The following FAM20A variants were observed in gnomAD, a reference collection of about 807,000 sequenced individuals.
The protein encoded by FAM20A is FAM20A golgi associated secretory pathway pseudokinase.
Under a neutral mutation model 52.0 loss-of-function variants are expected in FAM20A, and 42 were observed. The observed-to-expected ratio is 0.81, with a 90% CI of 0.63 to 1.04. FAM20A has a LOEUF of 1.04. FAM20A is among the 50% of genes least tolerant of loss of function. The pLI is 0.00. For synonymous variants in FAM20A, 304 were observed against 298.9 expected, an observed-to-expected ratio of 1.02 and a Z score of -0.18; for missense variants, 742 against 712.7, an observed-to-expected ratio of 1.04 and a Z score of -0.47.
At chr17:68,599,723 G>A (rs991671244) in intron 1 of FAM20A, among the ~76,000 whole-genome samples, 4 of 152,204 alleles carry the variant, frequency 2.6e-5, no homozygotes, top group Non-Finnish European at 1.5e-5. Context: ...TGTGATCTCT[G>A]AAACTGGGCA....
chr17:68,573,338 T>C (rs928437073), intron 1 of FAM20A, among the ~76,000 whole-genome samples: 7 of 152,272 alleles, frequency 4.6e-5, no homozygotes, highest in Non-Finnish European at 8.8e-5. Flanking sequence ...TTAAAGTTTA[T>C]GTTTCTTAGC....
chr17:68,600,913 C>T lies in FAM20A; in HGVS notation c.-247G>A. 1 of 480,500 alleles carries T rather than the reference C, an allele frequency of 2.1e-6. No homozygotes were observed. The highest frequency in any genetic ancestry group is 3.6e-6 in the Non-Finnish European group (1 of 276,470). The allele number at this position is 480,500 out of a possible 1,614,324, so 29.8% of individuals were successfully genotyped here. A position where few individuals can be genotyped will look rare whatever the true frequency, so the allele number is the denominator to read the frequency against. On this transcript the variant is annotated 5_prime_UTR_variant, in exon 1 of 11. Coordinates refer to ENST00000592554, the MANE Select transcript of FAM20A (RefSeq NM_017565.4). This position sits in a 1 kb window ranked among gnomAD's most constrained non-coding sequence, Gnocchi z 6.2. ...CGTCGCTTCTCCGCGCCGAGTGAGC[C>T]GAGGGAATGGGGTTCCCGGGGTGCC... is the stretch of plus-strand genomic sequence containing the variant.
At chr17:68,567,206 A>G (rs1334358068) in intron 1 of FAM20A, among the ~76,000 whole-genome samples, 6 of 151,940 alleles carry the variant, frequency 3.9e-5, no homozygotes, top group Non-Finnish European at 8.8e-5. Flanking sequence ...TCTCTGTCTC[A>G]ACTGCCCAAA....
At position 68,601,048 on chromosome 17, in the gene FAM20A, G is replaced by A. The variant is rs2088610900; in HGVS notation, c.-382C>T. 6.6e-6 allele frequency: 1 copy of A among 151,368 alleles called. No homozygotes were observed. Among genetic ancestry groups the A allele is most frequent in the Admixed American group, 6.6e-5 (1 of 15,150 alleles). The allele number at this position is 151,368 out of a possible 1,614,324, so 9.4% of individuals were successfully genotyped here. A position where few individuals can be genotyped will look rare whatever the true frequency, so the allele number is the denominator to read the frequency against. On this transcript the variant is annotated 5_prime_UTR_variant, in exon 1 of 11. Transcript: ENST00000592554. ...CCACCGCGGGCGGACGGGCGACGGG[G>A]CGGGGGGCGACCGCGGAGGGCGGAC...
intron 1 of FAM20A, among the ~76,000 whole-genome samples, chr17:68,575,832 A>ACACACACACACAC (rs1568768061): frequency 7.2e-6 from 1 of 139,830 alleles, no homozygotes; most frequent in Non-Finnish European, 1.5e-5. Context: ...ACACACACAC[A>ACACACACACACAC]TAATCAGCCA....
intron 1 of FAM20A, among the ~76,000 whole-genome samples, chr17:68,598,937 G>A (rs2088534024): frequency 6.6e-6 from 1 of 152,108 alleles, no homozygotes; most frequent in Non-Finnish European, 1.5e-5. Flanking sequence ...AGATAATATT[G>A]AAAATGACAG....
At chr17:68,575,425 A>G (rs1367441684) in intron 1 of FAM20A, among the ~76,000 whole-genome samples, 1 of 120,976 alleles carries the variant, frequency 8.3e-6, no homozygotes, top group African/African-American at 3.2e-5. Flanking sequence ...CACTTTATAT[A>G]TATTATATAT....
intron 1 of FAM20A, among the ~76,000 whole-genome samples, chr17:68,587,241 T>G (rs1475072188): frequency 6.6e-6 from 1 of 152,176 alleles, no homozygotes. Context: ...GCATTCACCC[T>G]TGGCTGTACA....
chr17:68,566,997 T>C (rs923476816), intron 1 of FAM20A, among the ~76,000 whole-genome samples: 4 of 152,250 alleles, frequency 2.6e-5, no homozygotes, highest in African/African-American at 9.6e-5. Flanking sequence ...TGAAAGCTTC[T>C]GTTCTGGCTT....
At chr17:68,542,296 AG>A (rs2086336771) in intron 6 of FAM20A, 131 bp from the exon 7 acceptor site, 1 of 1,036,088 alleles carries the variant, frequency 9.7e-7, no homozygotes, top group East Asian at 2.6e-5. Context: ...AAGAAGAAGA[AG>A]GAAACATTGA....
chr17:68,536,013 G>A lies in FAM20A; in HGVS notation c.*1464C>T, dbSNP rs2086087360. The A allele has an allele frequency of 2.2e-6, 1 of 454,018 alleles. No homozygotes were observed. Among genetic ancestry groups the A allele is most frequent in the African/African-American group, 2.0e-5 (1 of 50,012 alleles). 28.1% of individuals were successfully genotyped at this position (454,018 alleles called of 1,614,324 possible). ...GTTTGAGAGGATTGGAAACCTGTGT[G>A]TTGCTTCTGTAGCGTTGGTGAGTGC... On this transcript the variant is annotated 3_prime_UTR_variant, in exon 11 of 11. Transcript: ENST00000592554.
intron 1 of FAM20A, among the ~76,000 whole-genome samples, chr17:68,584,079 G>A (rs1273168812): frequency 8.5e-5 from 13 of 152,196 alleles, no homozygotes; most frequent in Admixed American, 8.5e-4. Context: ...CACTTTGGGA[G>A]GACGAGGCAG....
chr17:68,573,638 CCTTT>C (rs1443528091), intron 1 of FAM20A, among the ~76,000 whole-genome samples: 1 of 150,218 alleles, frequency 6.7e-6, no homozygotes, highest in Non-Finnish European at 1.5e-5. Flanking sequence ...CTCCTTCCCT[CCTTT>C]CTTTCTTCCT....
At chr17:68,580,553 C>T (rs969417368) in intron 1 of FAM20A, among the ~76,000 whole-genome samples, 3 of 152,200 alleles carry the variant, frequency 2.0e-5, no homozygotes, top group African/African-American at 4.8e-5. Context: ...AAGTAAAACC[C>T]GCCCAGAGAG....
At chr17:68,564,326 G>A (rs1477751779) in intron 1 of FAM20A, among the ~76,000 whole-genome samples, 3 of 152,212 alleles carry the variant, frequency 2.0e-5, no homozygotes, top group Non-Finnish European at 2.9e-5. Context: ...TTCAACCATA[G>A]AGCAGGCATC....
intron 1 of FAM20A, among the ~76,000 whole-genome samples, chr17:68,559,766 C>T (rs2087158035): frequency 6.6e-6 from 1 of 152,128 alleles, no homozygotes; most frequent in African/African-American, 2.4e-5. Flanking sequence ...GGTGTTTTTC[C>T]CCATTGTTTT....
chr17:68,556,963 G>A (rs1193725992), intron 1 of FAM20A, among the ~76,000 whole-genome samples: 1 of 152,040 alleles, frequency 6.6e-6, no homozygotes, highest in Non-Finnish European at 1.5e-5. Context: ...ACCACTTTGG[G>A]AGGCTGAGGC....
intron 1 of FAM20A, among the ~76,000 whole-genome samples, chr17:68,559,078 G>A (rs575409612): frequency 5.9e-5 from 9 of 152,236 alleles, no homozygotes; most frequent in African/African-American, 2.2e-4. Flanking sequence ...TTATAGCAAC[G>A]CAAAACGGCC....
At chr17:68,575,833 T>C (rs9906041) in intron 1 of FAM20A, among the ~76,000 whole-genome samples, 28,533 of 82,806 alleles carry the variant, frequency 0.34, 3,458 homozygotes, top group East Asian at 0.56. Context: ...CACACACACA[T>C]AATCAGCCAT....
Sources: allele counts gnomAD v4.1 joint callset (sites outside exome capture counted in the v4.1 genomes callset), GRCh38; gene constraint gnomAD v4.1.1; non-coding constraint Gnocchi (gnomAD v3.1); transcripts MANE v1.5; gene names NCBI Gene and HGNC (gene_info 2026-07-23, HGNC 2026-07-21).